The following ZNRF3 variants were observed in gnomAD, a reference collection of about 807,000 sequenced individuals.
ZNRF3 encodes the protein zinc and ring finger 3, also known as E3 ubiquitin-protein ligase ZNRF3.
A neutral mutation model predicts 72.5 loss-of-function variants in ZNRF3; 23 were observed. That is an observed-to-expected ratio of 0.32 (90% CI 0.23 to 0.45). The LOEUF is 0.45. Among genes scored for constraint, ZNRF3 ranks in the 20% least tolerant of loss-of-function variants. The probability of loss-of-function intolerance (pLI) is 1.00; values close to 1 mark genes in which losing one functional copy is unlikely to be tolerated. For synonymous variants in ZNRF3, 610 were observed against 545.3 expected (o/e 1.12, Z -1.65); for missense variants, 1,169 against 1,272.1 (o/e 0.92, Z 1.23).
chr22:28,905,896 T>C (rs1342878532), intron 1 of ZNRF3, among the ~76,000 whole-genome samples: 1 of 152,200 alleles, frequency 6.6e-6, no homozygotes, highest in African/African-American at 2.4e-5. Context: ...GACACTAAAG[T>C]GCAGAGAGGT....
rs1163221821 is a variant in ZNRF3 at position 29,036,959 on chromosome 22, C to G, written c.427-5536C>G. On this transcript the variant is annotated intron_variant, in intron 2 of 8. Transcript: ENST00000544604. ...TGGGGCTCCCATATGTCTGCAACTT[C>G]CTGTAAGAGGTTGAAGACATGTCTT... Among the ~76,000 whole-genome samples, 6 of 152,310 alleles carry G rather than the reference C, an allele frequency of 3.9e-5. No individual in the cohort carries two copies. The East Asian group carries it at 9.6e-4, about 24-fold the overall frequency.
chr22:28,968,312 A>C (rs1333251212), intron 1 of ZNRF3, among the ~76,000 whole-genome samples: 1 of 152,146 alleles, frequency 6.6e-6, no homozygotes, highest in Non-Finnish European at 1.5e-5. Flanking sequence ...AAAAATATCC[A>C]TGTATTATTT....
intron 8 of ZNRF3, among the ~76,000 whole-genome samples, chr22:29,051,974 AC>A (rs1488607038): frequency 6.6e-6 from 1 of 151,756 alleles, no homozygotes; most frequent in African/African-American, 2.4e-5. Context: ...CCTGTGAAGG[AC>A]CCCAGTTGCT....
At chr22:28,982,908 G>T (rs934703141) in intron 1 of ZNRF3, among the ~76,000 whole-genome samples, 2 of 152,154 alleles carry the variant, frequency 1.3e-5, no homozygotes, top group East Asian at 3.9e-4. Flanking sequence ...TCAATAGGTG[G>T]GTCAAAGGAG....
intron 1 of ZNRF3, among the ~76,000 whole-genome samples, chr22:28,962,447 T>C (rs1316216642): frequency 6.6e-6 from 1 of 152,204 alleles, no homozygotes; most frequent in East Asian, 1.9e-4. Flanking sequence ...GTTCTCTGGG[T>C]CAGCTCTCCA....
chr22:28,964,769 C>A (rs2035429093), intron 1 of ZNRF3, among the ~76,000 whole-genome samples: 1 of 152,262 alleles, frequency 6.6e-6, no homozygotes. Flanking sequence ...TCCTCAGCAA[C>A]AGGGCATCCC....
chr22:28,899,709 T>A (rs1042729964), intron 1 of ZNRF3, among the ~76,000 whole-genome samples: 13 of 150,572 alleles, frequency 8.6e-5, no homozygotes, highest in African/African-American at 2.9e-4. Flanking sequence ...TTTTTTTTTT[T>A]AAGACAGTCT....
In ZNRF3 at chr22:29,049,712, A is replaced by G. The variant is rs760292111; in HGVS notation, c.1531A>G (p.Thr511Ala). The G allele has an allele frequency of 1.2e-6, 2 of 1,601,912 alleles. No individual in the cohort carries two copies. Among genetic ancestry groups the G allele is most frequent in the Non-Finnish European group, 1.7e-6 (2 of 1,175,442 alleles). ...PSGSGSLLFP[T>A]VVHVAPPSHL... ...CGGCAGTGGCAGCCTGCTCTTCCCC[A>G]CCGTGGTGCACGTGGCCCCGCCCTC... Residue 511 changes from threonine (T) to alanine (A), a missense_variant, in exon 8 of 9, where the codon ACC (threonine) becomes GCC (alanine). Physicochemically the swap from Thr to Ala is moderately conservative, Grantham distance 58 (BLOSUM62 0). This residue lies in a region of ZNRF3 where 783 missense variants were observed against 731.4 expected (regional missense o/e 1.07). Coordinates refer to ENST00000544604, the MANE Select transcript of ZNRF3 (RefSeq NM_001206998.2). This position sits in a 1 kb window ranked among gnomAD's most constrained non-coding sequence, Gnocchi z 5.2.
At chr22:28,890,666 C>T (rs1324955331) in intron 1 of ZNRF3, among the ~76,000 whole-genome samples, 1 of 152,080 alleles carries the variant, frequency 6.6e-6, no homozygotes, top group Non-Finnish European at 1.5e-5. Context: ...TTCCAGTGTC[C>T]CTGGGAGTAA....
chr22:29,007,833 C>T (rs1394778124), intron 2 of ZNRF3, among the ~76,000 whole-genome samples: 1 of 147,884 alleles, frequency 6.8e-6, no homozygotes, highest in Non-Finnish European at 1.5e-5. Context: ...CTCGGCTCAC[C>T]ACAACCTCCG....
intron 1 of ZNRF3, among the ~76,000 whole-genome samples, chr22:28,907,919 C>T (rs2034241885): frequency 6.6e-6 from 1 of 152,212 alleles, no homozygotes; most frequent in African/African-American, 2.4e-5. Context: ...ATTTCTATGT[C>T]TTTCCTTTTG....
At chr22:29,009,861 T>C (rs2036318592) in intron 2 of ZNRF3, among the ~76,000 whole-genome samples, 1 of 151,918 alleles carries the variant, frequency 6.6e-6, no homozygotes, top group African/African-American at 2.4e-5. Context: ...ACATTCACTC[T>C]GCTGTGCACC....
intron 1 of ZNRF3, among the ~76,000 whole-genome samples, chr22:28,893,219 A>C (rs1462449710): frequency 2.0e-5 from 3 of 152,136 alleles, no homozygotes; most frequent in Non-Finnish European, 2.9e-5. Flanking sequence ...GTACTCAATT[A>C]GGTGTGTGTA....
chr22:29,000,803 T>G (rs2036128088), intron 2 of ZNRF3, among the ~76,000 whole-genome samples: 1 of 151,338 alleles, frequency 6.6e-6, no homozygotes, highest in African/African-American at 2.4e-5. Flanking sequence ...ACGGCGAGAG[T>G]GGGAATGAGA....
At chr22:28,940,652 G>A (rs778740170) in intron 1 of ZNRF3, among the ~76,000 whole-genome samples, 23 of 152,158 alleles carry the variant, frequency 1.5e-4, no homozygotes, top group Non-Finnish European at 2.8e-4. Flanking sequence ...CCTGACCTGG[G>A]GCCACGGAGG....
chr22:29,007,419 T>C (rs552021693), intron 2 of ZNRF3, among the ~76,000 whole-genome samples: 1 of 152,240 alleles, frequency 6.6e-6, no homozygotes, highest in South Asian at 2.1e-4. Flanking sequence ...GGGGAATCGC[T>C]TAAGGCCAGG....
At chr22:29,018,057 T>C (rs199755616) in intron 2 of ZNRF3, 1 of 518,864 alleles carries the variant, frequency 1.9e-6, no homozygotes, top group Admixed American at 1.9e-5. Context: ...CATCTGGTGC[T>C]TGGAGGGCAG....
intron 1 of ZNRF3, among the ~76,000 whole-genome samples, chr22:28,890,344 T>C (rs2033861987): frequency 6.6e-6 from 1 of 151,746 alleles, no homozygotes; most frequent in Non-Finnish European, 1.5e-5. Context: ...ACCAAAAATA[T>C]AAAAAATTAG....
In ZNRF3 at chr22:28,894,763, AG is replaced by A. The variant is rs2033959691; in HGVS notation, c.300+10701del. 1.3e-5 allele frequency among the ~76,000 whole-genome samples: 2 copies of A among 152,212 alleles called. 1 individual carries two copies. The highest frequency in any genetic ancestry group is 4.1e-4 in the South Asian group (2 of 4,830). On this transcript the variant is annotated intron_variant, in intron 1 of 8. Coordinates refer to ENST00000544604, the MANE Select transcript of ZNRF3 (RefSeq NM_001206998.2). Reference sequence around the variant, plus strand: ...AGTTGAGCCCAAGCACCAGACTCTCAGGGGTGCATTTAAGCAGCAAGCATAT... The same window carrying A: ...AGTTGAGCCCAAGCACCAGACTCTCAGGGTGCATTTAAGCAGCAAGCATAT...
Sources: allele counts gnomAD v4.1 joint callset (sites outside exome capture counted in the v4.1 genomes callset), GRCh38; gene constraint gnomAD v4.1.1; regional missense constraint gnomAD v4.1.1; non-coding constraint Gnocchi (gnomAD v3.1); transcripts MANE v1.5; gene names NCBI Gene and HGNC (gene_info 2026-07-23, HGNC 2026-07-21).